Variants in CCDC3 observed in about 807,000 individuals in gnomAD.
The protein encoded by CCDC3 is coiled-coil domain-containing protein 3.
Under a neutral mutation model 21.4 loss-of-function variants are expected in CCDC3, and 24 were observed. The ratio of observed to expected loss-of-function variants is 1.12; its 90% CI spans 0.81 to 1.58. CCDC3 has a LOEUF of 1.58. Among genes scored for constraint, CCDC3 ranks in the 40% most tolerant of loss-of-function variants. The pLI, the probability that CCDC3 is intolerant of heterozygous loss-of-function variation, is 0.00. For synonymous variants in CCDC3, 186 were observed against 166.0 expected (o/e 1.12, Z -0.93); for missense variants, 425 against 360.9 (o/e 1.18, Z -1.44).
chr10:12,946,023 C>G (rs1266322066), intron 2 of CCDC3, among the ~76,000 whole-genome samples: 8 of 152,184 alleles, frequency 5.3e-5, no homozygotes. Flanking sequence ...ATATTTCAGT[C>G]TGTTAGTACT....
intron 5 of CCDC3, among the ~76,000 whole-genome samples, chr10:13,015,338 G>A (rs549950886): frequency 2.1e-4 from 32 of 152,164 alleles, no homozygotes; most frequent in South Asian, 1.9e-3. Flanking sequence ...ATCAAATTCC[G>A]AAAGGGCTAG....
intron 4 of CCDC3, among the ~76,000 whole-genome samples, chr10:13,053,837 G>C (rs1836644268): frequency 6.6e-6 from 1 of 152,120 alleles, no homozygotes; most frequent in African/African-American, 2.4e-5. Context: ...GTGGCACAGA[G>C]CATCACAAGG....
rs1171796342 is a variant in CCDC3 at position 13,041,508 on chromosome 10, T to A, written c.-2+8166A>T. Among the ~76,000 whole-genome samples the A allele has an allele frequency of 5.8e-3, 56 of 9,664 alleles. 1 individual carries two copies. The South Asian group carries it at 0.059, about 10-fold the overall frequency. 6.3% of individuals were successfully genotyped at this position (9,664 alleles called of 152,430 possible). ...ACTCCAAGTGTCTGGCAGATAATTTTTTTTTTTTTTTTTTTTTTTTTTTTT... is the reference window on the plus strand; with the variant it reads ...ACTCCAAGTGTCTGGCAGATAATTTATTTTTTTTTTTTTTTTTTTTTTTTT... On this transcript the variant is annotated intron_variant, in intron 5 of 6. Transcript: ENST00000378839.
intron 2 of CCDC3, among the ~76,000 whole-genome samples, chr10:12,964,714 C>T (rs1216348874): frequency 6.6e-6 from 1 of 152,170 alleles, no homozygotes; most frequent in Non-Finnish European, 1.5e-5. Flanking sequence ...GCATCCTTAA[C>T]AATGTAATTG....
chr10:13,034,406 G>A (rs1378944001), intron 5 of CCDC3, among the ~76,000 whole-genome samples: 1 of 151,676 alleles, frequency 6.6e-6, no homozygotes, highest in Non-Finnish European at 1.5e-5. Context: ...ACAAGTTAAT[G>A]GGTGCAGCAC....
chr10:12,991,300 A>G (rs760630408), intron 2 of CCDC3, among the ~76,000 whole-genome samples: 1 of 148,570 alleles, frequency 6.7e-6, no homozygotes, highest in Non-Finnish European at 1.5e-5. Context: ...GCTTGAACAT[A>G]TGTTTTTTTT....
intron 2 of CCDC3, among the ~76,000 whole-genome samples, chr10:12,905,317 C>T (rs1834153165): frequency 6.6e-6 from 1 of 152,210 alleles, no homozygotes; most frequent in Non-Finnish European, 1.5e-5. Flanking sequence ...AGCTGTTGTG[C>T]TGCAATGGCA....
In CCDC3 at chr10:12,945,007, A is replaced by G. The variant is rs567453719; in HGVS notation, c.550-46328T>C. 3.3e-5 allele frequency among the ~76,000 whole-genome samples: 5 copies of G among 152,328 alleles called. No homozygotes were observed. The South Asian group carries it at 8.3e-4, about 25-fold the overall frequency. On this transcript the variant is annotated intron_variant, in intron 2 of 2. Transcript: ENST00000378825. ...TTCTCAGGCCTAGCCAAAAATTCTA[A>G]TAAGGATAGAGATACAACTTTCCCT...
chr10:12,913,231 C>T (rs1445085820), intron 2 of CCDC3, among the ~76,000 whole-genome samples: 1 of 152,144 alleles, frequency 6.6e-6, no homozygotes, highest in East Asian at 1.9e-4. Context: ...AGGATATCTT[C>T]CCATTTATTT....
At chr10:12,991,251 C>A (rs1370942231) in intron 2 of CCDC3, among the ~76,000 whole-genome samples, 1 of 152,158 alleles carries the variant, frequency 6.6e-6, no homozygotes, top group Non-Finnish European at 1.5e-5. Flanking sequence ...AAAATAAACA[C>A]TGTTCATTTT....
intron 2 of CCDC3, among the ~76,000 whole-genome samples, chr10:12,977,306 G>GGT (rs1564305894): frequency 6.6e-6 from 1 of 151,340 alleles, no homozygotes; most frequent in Non-Finnish European, 1.5e-5. Flanking sequence ...AAGGAAAGGG[G>GGT]AAAGGAAAGG....
At chr10:13,094,422 A>G (rs920923557) in intron 3 of CCDC3, among the ~76,000 whole-genome samples, 10 of 151,976 alleles carry the variant, frequency 6.6e-5, no homozygotes, top group African/African-American at 2.4e-4. Flanking sequence ...ATGCCCAGCT[A>G]ATTTTTGTTT....
intron 2 of CCDC3, among the ~76,000 whole-genome samples, chr10:12,919,967 C>A (rs1465985018): frequency 6.6e-6 from 1 of 152,100 alleles, no homozygotes; most frequent in Non-Finnish European, 1.5e-5. Context: ...CCACCAGTCA[C>A]AAATTCCATC....
rs1443763798 is a variant in CCDC3, at chr10:12,897,174, G to C, written c.*1242C>G. Reference sequence around the variant, plus strand: ...GAAGAGCAGGGAAGGGCCCTTGTTGGGTTGAAAGGCCATGATCAGAAGATA... The same window carrying C: ...GAAGAGCAGGGAAGGGCCCTTGTTGCGTTGAAAGGCCATGATCAGAAGATA... On this transcript the variant is annotated 3_prime_UTR_variant, in exon 3 of 3. Transcript: ENST00000378825. The C allele has an allele frequency of 6.6e-6, 1 of 152,438 alleles. No individual in the cohort carries two copies. The highest frequency in any genetic ancestry group is 1.5e-5 in the Non-Finnish European group (1 of 68,122). 9.4% of individuals were successfully genotyped at this position (152,438 alleles called of 1,614,324 possible). A position where few individuals can be genotyped will look rare whatever the true frequency, so the allele number is the denominator to read the frequency against.
intron 4 of CCDC3, among the ~76,000 whole-genome samples, chr10:13,060,900 G>A (rs559705323): frequency 6.6e-6 from 1 of 152,262 alleles, no homozygotes; most frequent in African/African-American, 2.4e-5. Context: ...TCTCAACGGA[G>A]GTGTTGATAT....
intron 2 of CCDC3, among the ~76,000 whole-genome samples, chr10:12,927,869 A>G (rs531524532): frequency 2.0e-5 from 3 of 152,368 alleles, no homozygotes; most frequent in South Asian, 2.1e-4. Context: ...AAAAGTACTA[A>G]CAAGATGTAT....
chr10:12,979,342 C>T (rs1047144485), intron 2 of CCDC3, among the ~76,000 whole-genome samples: 1 of 151,542 alleles, frequency 6.6e-6, no homozygotes, highest in African/African-American at 2.4e-5. Flanking sequence ...TCTTTTTTTC[C>T]CCTCCTGCTT....
intron 2 of CCDC3, among the ~76,000 whole-genome samples, chr10:12,964,194 G>A (rs1005116052): frequency 1.3e-5 from 2 of 152,030 alleles, no homozygotes; most frequent in African/African-American, 4.8e-5. Flanking sequence ...CCAACATGGA[G>A]AAACCCCGGT....
intron 3 of CCDC3, among the ~76,000 whole-genome samples, chr10:13,096,509 C>A (rs578125956): frequency 3.9e-5 from 6 of 152,042 alleles, no homozygotes; most frequent in Non-Finnish European, 5.9e-5. Flanking sequence ...CAGGGGTGTA[C>A]GGAAACCTAT....
Sources: gnomAD v4.1 joint callset for allele counts (sites outside exome capture counted in the v4.1 genomes callset) on GRCh38, gnomAD v4.1.1 for gene constraint, MANE v1.5 for transcripts, NCBI Gene and HGNC (gene_info 2026-07-23, HGNC 2026-07-21) for gene names.